The following CMIP variants were observed in gnomAD, a reference collection of about 807,000 sequenced individuals.
The protein encoded by CMIP is c-Maf inducing protein.
A neutral mutation model predicts 97.3 loss-of-function variants in CMIP; 13 were observed. The ratio of observed to expected loss-of-function variants is 0.13; its 90% confidence interval spans 0.09 to 0.21. The LOEUF (loss-of-function observed/expected upper bound fraction) is 0.21, where lower values mean the gene tolerates loss of function less well. Among genes scored for constraint, CMIP ranks in the 10% least tolerant of loss-of-function variants. The pLI is 1.00. For missense variants in CMIP, 847 were observed against 1,024.9 expected (o/e 0.83, Z 2.37); for synonymous variants, 538 against 436.3 (o/e 1.23, Z -2.91).
At chr16:81,448,076 A>C (rs1905971937) in intron 1 of CMIP, among the ~76,000 whole-genome samples, 1 of 152,258 alleles carries the variant, frequency 6.6e-6, no homozygotes, top group African/African-American at 2.4e-5. Flanking sequence ...TCCCTAGAAC[A>C]AAAACCCTTT....
Position 81,664,313 on chromosome 16 carries a change from C to A in CMIP, c.789C>A (p.Phe263Leu). 6.2e-7 allele frequency: 1 copy of A among 1,601,736 alleles called. No homozygotes were observed. Among genetic ancestry groups the A allele is most frequent in the Non-Finnish European group, 8.5e-7 (1 of 1,174,760 alleles). ...RPRSMVVIEVFTPVVQRILKH... is the reference protein window; with the variant it reads ...RPRSMVVIEVLTPVVQRILKH... Reference sequence around the variant, plus strand: ...GGTCCATGGTGGTCATCGAGGTGTTCACCCCCGTGGTGCAGCGAATCCTCA... The same window carrying A: ...GGTCCATGGTGGTCATCGAGGTGTTAACCCCCGTGGTGCAGCGAATCCTCA... The change falls in exon 7 of 21, where the codon TTC (phenylalanine) becomes TTA (leucine). Residue 263 changes from phenylalanine (F) to leucine (L), a missense_variant. Phe to Leu is a conservative substitution (Grantham distance 22). Around this residue, in one of 4 missense-constraint regions of CMIP, gnomAD observed 285 missense variants for 392.2 expected, o/e 0.73. Transcript: ENST00000537098.
chr16:81,503,897 A>T (rs953816279), intron 1 of CMIP, among the ~76,000 whole-genome samples: 4 of 152,224 alleles, frequency 2.6e-5, no homozygotes, highest in African/African-American at 9.6e-5. Context: ...TGAGTAGCTG[A>T]CATGTAATGA....
chr16:81,525,645 C>G (rs1176625820), intron 1 of CMIP, among the ~76,000 whole-genome samples: 1 of 152,216 alleles, frequency 6.6e-6, no homozygotes, highest in South Asian at 2.1e-4. Context: ...CCTAGCCAAT[C>G]ATTTTTAAAT....
intron 13 of CMIP, 26 bp downstream of exon 13, chr16:81,693,513 G>C: frequency 6.2e-7 from 1 of 1,604,766 alleles, no homozygotes; most frequent in Non-Finnish European, 8.5e-7. Context: ...CTGCATCTCA[G>C]GCCGGCTGTC....
intron 4 of CMIP, among the ~76,000 whole-genome samples, 165 bp from the exon 5 acceptor site, chr16:81,657,610 G>A (rs1018115028): frequency 2.0e-5 from 3 of 152,092 alleles, no homozygotes; most frequent in African/African-American, 7.2e-5. Flanking sequence ...TCCCGACCTT[G>A]CCCCTGAGGG....
intron 10 of CMIP, among the ~76,000 whole-genome samples, chr16:81,680,635 T>G (rs972824333): frequency 6.6e-6 from 1 of 152,198 alleles, no homozygotes; most frequent in Non-Finnish European, 1.5e-5. Flanking sequence ...CAAGCGGAAT[T>G]CCAGATCCCA....
At chr16:81,664,398 G>T in intron 7 of CMIP, 49 bp downstream of exon 7, 1 of 1,485,250 alleles carries the variant, frequency 6.7e-7, no homozygotes. Flanking sequence ...AGAACATGAG[G>T]CCCCGCGCGC....
At chr16:81,696,369 C>T (rs1906719264) in intron 13 of CMIP, 191 bp from the exon 14 acceptor site, 10 of 638,308 alleles carry the variant, frequency 1.6e-5, no homozygotes, top group Admixed American at 4.8e-5. Flanking sequence ...GGTGTGGGGG[C>T]CACGGTATTT....
At position 81,693,505 on chromosome 16, in the gene CMIP, G is replaced by A; in HGVS notation, c.1530+18G>A. 1 of 1,607,854 alleles carries A rather than the reference G, an allele frequency of 6.2e-7. No homozygotes were observed. The highest frequency in any genetic ancestry group is 8.5e-7 in the Non-Finnish European group (1 of 1,176,420). On this transcript the variant is annotated intron_variant, in intron 13 of 20. Coordinates refer to ENST00000537098, the MANE Select transcript of CMIP (RefSeq NM_198390.3). ...GGCAAGAGGTGAGGCCTTTGTTTCT[G>A]CATCTCAGGCCGGCTGTCTGGGGAT...
chr16:81,447,249 T>C (rs1298499205), intron 1 of CMIP, among the ~76,000 whole-genome samples: 1 of 151,632 alleles, frequency 6.6e-6, no homozygotes, highest in Non-Finnish European at 1.5e-5. Flanking sequence ...TTTTTTTTTT[T>C]TTCCTCTTAC....
intron 1 of CMIP, among the ~76,000 whole-genome samples, chr16:81,498,438 C>T (rs577484973): frequency 1.3e-5 from 2 of 152,342 alleles, no homozygotes; most frequent in African/African-American, 2.4e-5. Flanking sequence ...TGCACCGAGT[C>T]CCCCTGGGGC....
At chr16:81,543,782 C>T (rs1390627949) in intron 1 of CMIP, among the ~76,000 whole-genome samples, 1 of 152,180 alleles carries the variant, frequency 6.6e-6, no homozygotes, top group Admixed American at 6.5e-5. Context: ...GCAGTCTTTC[C>T]TTCCAAGGAG....
chr16:81,617,604 G>C (rs566485254), intron 2 of CMIP: 20 of 152,436 alleles, frequency 1.3e-4, no homozygotes, highest in African/African-American at 4.1e-4. Flanking sequence ...GCTGGGGAAG[G>C]GAGTCTCCTC....
chr16:81,474,836 G>C (rs1249251298), intron 1 of CMIP, among the ~76,000 whole-genome samples: 5 of 152,230 alleles, frequency 3.3e-5, no homozygotes, highest in Non-Finnish European at 5.9e-5. Context: ...CTGCCAGCCT[G>C]GCTGCCCTGC....
At chr16:81,599,986 A>T (rs1344050865) in intron 1 of CMIP, among the ~76,000 whole-genome samples, 1 of 152,062 alleles carries the variant, frequency 6.6e-6, no homozygotes, top group East Asian at 1.9e-4. Flanking sequence ...TGTCATCATT[A>T]AAAAAAGATA....
intron 10 of CMIP, 97 bp from the exon 11 acceptor site, chr16:81,691,678 G>T: frequency 1.1e-6 from 1 of 911,598 alleles, no homozygotes; most frequent in East Asian, 2.6e-5. Context: ...TACCTGCCAG[G>T]CTCTCACCCC....
intron 1 of CMIP, among the ~76,000 whole-genome samples, chr16:81,536,205 T>G (rs2090339675): frequency 6.6e-6 from 1 of 152,226 alleles, no homozygotes; most frequent in South Asian, 2.1e-4. Flanking sequence ...TTGTTTGGTG[T>G]GAAGGCTTCC....
chr16:81,678,245 T>A, intron 9 of CMIP, 30 bp from the exon 10 acceptor site: 1 of 1,522,510 alleles, frequency 6.6e-7, no homozygotes, highest in Non-Finnish European at 8.8e-7. Context: ...GTGCCTGTAC[T>A]CATGTGCCCT....
intron 9 of CMIP, among the ~76,000 whole-genome samples, chr16:81,676,687 C>T (rs1312212022): frequency 6.6e-6 from 1 of 152,132 alleles, no homozygotes; most frequent in Non-Finnish European, 1.5e-5. Context: ...TATTAAACAC[C>T]CTTGGTGGGC....
Sources: gnomAD v4.1 joint callset for allele counts (sites outside exome capture counted in the v4.1 genomes callset) on GRCh38, gnomAD v4.1.1 for gene constraint, gnomAD v4.1.1 regional missense constraint, MANE v1.5 for transcripts, NCBI Gene and HGNC (gene_info 2026-07-23, HGNC 2026-07-21) for gene names.